DPP10: variants seen among roughly 807,000 people sequenced by gnomAD.
DPP10 encodes inactive dipeptidyl peptidase 10.
Under a neutral mutation model 120.9 loss-of-function variants are expected in DPP10, and 33 were observed. The ratio of observed to expected loss-of-function variants is 0.27; its 90% CI spans 0.21 to 0.37. The LOEUF is 0.37. Ranked by LOEUF, DPP10 falls within the 10% of genes least tolerant of loss-of-function variation. The pLI is 1.00. For missense variants in DPP10, 816 were observed against 942.8 expected (o/e 0.87, Z 1.76); for synonymous variants, 337 against 326.1 (o/e 1.03, Z -0.36).
chr2:115,330,071 C>G lies in DPP10; in HGVS notation c.176-13746C>G, dbSNP rs1231333746. ...TCCCACCAACAGTGTAAAAGTGTTC[C>G]TATTTCTCCACATCCTCTCCAGCAC... On this transcript the variant is annotated intron_variant, in intron 2 of 25. Transcript: ENST00000410059. Among the ~76,000 whole-genome samples, 4 of 152,160 alleles carry G rather than the reference C, an allele frequency of 2.6e-5. 1 individual carries two copies. The highest frequency in any genetic ancestry group is 7.2e-5 in the African/African-American group (3 of 41,534).
intron 3 of DPP10, among the ~76,000 whole-genome samples, chr2:115,457,390 A>G (rs1321574746): frequency 1.3e-5 from 2 of 152,172 alleles, no homozygotes; most frequent in African/African-American, 4.8e-5. Flanking sequence ...TCATTCATAA[A>G]AGTGAAAATT....
intron 3 of DPP10, among the ~76,000 whole-genome samples, chr2:115,454,804 A>G (rs1206403882): frequency 6.6e-6 from 1 of 151,678 alleles, no homozygotes; most frequent in Non-Finnish European, 1.5e-5. Flanking sequence ...CTCAGATGAC[A>G]TGATCCTTTA....
Position 114,703,829 on chromosome 2 carries a change from T to G in DPP10, c.60+260991T>G, listed in dbSNP as rs1484453255. Among the ~76,000 whole-genome samples, 3 of 152,156 alleles carry G rather than the reference T, an allele frequency of 2.0e-5. No homozygotes were observed. The East Asian group carries it at 5.8e-4, about 29-fold the overall frequency. On this transcript the variant is annotated intron_variant, in intron 1 of 25. Transcript: ENST00000410059. The stretch of plus-strand genomic sequence containing the variant: ...AATTCTCAATCTTCATTATTCTCAA[T>G]GCCAAGAGGGAAAATTTGACTCAAA...
At chr2:114,463,657 A>C (rs1231893831) in intron 1 of DPP10, among the ~76,000 whole-genome samples, 4 of 152,114 alleles carry the variant, frequency 2.6e-5, no homozygotes, top group African/African-American at 9.7e-5. Context: ...AGTTATTTTA[A>C]ATTTGCCTAT....
intron 3 of DPP10, among the ~76,000 whole-genome samples, chr2:115,399,573 C>T (rs1574711723): frequency 6.6e-6 from 1 of 152,136 alleles, no homozygotes; most frequent in African/African-American, 2.4e-5. Context: ...GCTTTAGAAT[C>T]AACTCCTCAC....
intron 1 of DPP10, among the ~76,000 whole-genome samples, chr2:115,207,416 C>CAAAAAAAAAAAAAAAAA (rs57462947): frequency 1.1e-4 from 6 of 52,302 alleles, no homozygotes; most frequent in African/African-American, 4.0e-4. Context: ...CTTACTGCAC[C>CAAAAAAAAAAAAAAAAA]AAAAAAAAAA....
chr2:115,842,097 T>C (rs1338491228), intron 25 of DPP10, 114 bp from the exon 26 acceptor site: 1 of 1,063,592 alleles, frequency 9.4e-7, no homozygotes, highest in Non-Finnish European at 1.3e-6. Context: ...TTAGGTTTGA[T>C]TTTGGTCAGA....
Position 114,549,620 on chromosome 2 carries a change from C to G in DPP10, c.60+106782C>G, listed in dbSNP as rs191970409. ...AGGTTGCAGTGAGCTGAGATTGTGCCACTGCACTCCAGCCTGGGCGACAGA... is the reference window on the plus strand; with the variant it reads ...AGGTTGCAGTGAGCTGAGATTGTGCGACTGCACTCCAGCCTGGGCGACAGA... On this transcript the variant is annotated intron_variant, in intron 1 of 25. Coordinates refer to ENST00000410059, the MANE Select transcript of DPP10 (RefSeq NM_020868.6). Among the ~76,000 whole-genome samples, 393 of 143,956 alleles carry G rather than the reference C, an allele frequency of 2.7e-3. 3 individuals carry two copies. The highest frequency in any genetic ancestry group is 9.6e-3 in the African/African-American group (374 of 38,862). 94.4% of individuals were successfully genotyped at this position (143,956 alleles called of 152,430 possible).
At chr2:114,713,176 T>TG (rs1469884434) in intron 1 of DPP10, among the ~76,000 whole-genome samples, 2 of 152,022 alleles carry the variant, frequency 1.3e-5, no homozygotes, top group Non-Finnish European at 2.9e-5. Context: ...TTAGTAGAGA[T>TG]GGGGTTTCAC....
In DPP10 at chr2:115,283,271, G is replaced by A. The variant is rs1290662576; in HGVS notation, c.61-25968G>A. ...TAATAAAAATATTACCACCTTAACA[G>A]CTTAAACCTGAATTTGTAATCAGGT... is the stretch of plus-strand genomic sequence containing the variant. On this transcript the variant is annotated intron_variant, in intron 1 of 25. Coordinates refer to ENST00000410059, the MANE Select transcript of DPP10 (RefSeq NM_020868.6). Among the ~76,000 whole-genome samples, 4 of 151,898 alleles carry A rather than the reference G, an allele frequency of 2.6e-5. No homozygotes were observed. In the East Asian group the frequency reaches 7.7e-4, roughly 29 times the overall value.
rs70941095 is a variant in DPP10 at position 115,735,684 on chromosome 2, A to ATTT, written c.698-4029_698-4027dup. On this transcript the variant is annotated intron_variant, in intron 8 of 25. Transcript: ENST00000410059. ...TACAGGTGCCCACCACGCCCAGCTA[A>ATTT]TTTTTTTTTTTTTTTTTTTTTTTTT... is the stretch of plus-strand genomic sequence containing the variant. Among the ~76,000 whole-genome samples, 596 of 62,490 alleles carry ATTT rather than the reference A, an allele frequency of 9.5e-3. 30 individuals are homozygous for ATTT. The highest frequency in any genetic ancestry group is 0.013 in the Non-Finnish European group (504 of 37,474). The allele number at this position is 62,490 out of a possible 152,430, so 41.0% of individuals were successfully genotyped here.
chr2:114,926,581 G>T (rs765972110), intron 1 of DPP10, among the ~76,000 whole-genome samples: 5 of 152,144 alleles, frequency 3.3e-5, no homozygotes, highest in Non-Finnish European at 7.3e-5. Flanking sequence ...AATACTAACT[G>T]CCTGCTGTGT....
chr2:114,758,453 T>A (rs957458572), intron 1 of DPP10, among the ~76,000 whole-genome samples: 1 of 152,210 alleles, frequency 6.6e-6, no homozygotes, highest in Non-Finnish European at 1.5e-5. Context: ...ATTTCATAGC[T>A]GTGTTAATTT....
At chr2:114,829,379 T>C (rs567607484) in intron 1 of DPP10, among the ~76,000 whole-genome samples, 1 of 150,814 alleles carries the variant, frequency 6.6e-6, no homozygotes, top group African/African-American at 2.4e-5. Flanking sequence ...TTTGTCTTTT[T>C]TTTTTTTAAT....
chr2:115,352,298 T>C (rs144253278), intron 3 of DPP10, among the ~76,000 whole-genome samples: 1 of 152,178 alleles, frequency 6.6e-6, no homozygotes, highest in East Asian at 1.9e-4. Flanking sequence ...ATGAAAGTTA[T>C]GTTCAGAGTT....
chr2:115,319,654 C>T (rs921270223), intron 2 of DPP10, among the ~76,000 whole-genome samples: 1 of 152,138 alleles, frequency 6.6e-6, no homozygotes, highest in Non-Finnish European at 1.5e-5. Context: ...CATATAATGT[C>T]TTAGTTCATT....
chr2:114,891,487 A>C (rs1315911901), intron 1 of DPP10, among the ~76,000 whole-genome samples: 1 of 152,212 alleles, frequency 6.6e-6, no homozygotes, highest in African/African-American at 2.4e-5. Context: ...TTGTGATTAA[A>C]AATTAAGTTT....
chr2:114,700,972 C>A (rs1700351596), intron 1 of DPP10, among the ~76,000 whole-genome samples: 1 of 151,950 alleles, frequency 6.6e-6, no homozygotes, highest in Non-Finnish European at 1.5e-5. Context: ...AGCAAAGTGA[C>A]AATAGAGAAC....
At chr2:114,926,850 A>G (rs1317822569) in intron 1 of DPP10, among the ~76,000 whole-genome samples, 1 of 136,574 alleles carries the variant, frequency 7.3e-6, no homozygotes, top group Non-Finnish European at 1.5e-5. Context: ...GGAAGATACA[A>G]TTTTTTTTTT....
Sources: gnomAD v4.1 joint callset for allele counts (sites outside exome capture counted in the v4.1 genomes callset) on GRCh38, gnomAD v4.1.1 for gene constraint, MANE v1.5 for transcripts, NCBI Gene and HGNC (gene_info 2026-07-23, HGNC 2026-07-21) for gene names.